The following RGS9 variants were observed in gnomAD, a reference collection of about 807,000 sequenced individuals.
The protein encoded by RGS9 is regulator of G-protein signalling 9.
A neutral mutation model predicts 102.0 loss-of-function variants in RGS9; 78 were observed. The observed-to-expected ratio is 0.76, with a 90% CI of 0.64 to 0.92. The LOEUF (loss-of-function observed/expected upper bound fraction) is 0.92, where lower values mean the gene tolerates loss of function less well. Among genes scored for constraint, RGS9 ranks in the 40% least tolerant of loss-of-function variants. The pLI is 0.00. For synonymous variants in RGS9, 353 were observed against 318.6 expected (o/e 1.11, Z -1.15); for missense variants, 833 against 866.1 (o/e 0.96, Z 0.48).
At chr17:65,151,251 A>C (rs1304221695) in intron 1 of RGS9, among the ~76,000 whole-genome samples, 1 of 152,000 alleles carries the variant, frequency 6.6e-6, no homozygotes, top group Non-Finnish European at 1.5e-5. Context: ...AGGCCGAGGT[A>C]GGACAATTGC....
At chr17:65,197,382 C>T (rs1912636983) in intron 13 of RGS9, 141 bp downstream of exon 13, 1 of 688,702 alleles carries the variant, frequency 1.5e-6, no homozygotes, top group Non-Finnish European at 2.6e-6. Context: ...CTTCCTTTCA[C>T]AGCTTTAAGA....
intron 13 of RGS9, among the ~76,000 whole-genome samples, chr17:65,201,777 C>T (rs73994750): frequency 0.024 from 3,667 of 152,268 alleles, 161 homozygotes; most frequent in African/African-American, 0.083. Flanking sequence ...TCCCAATGTT[C>T]TTCCAGGCCG....
chr17:65,181,383 A>G (rs1380156518), intron 9 of RGS9, among the ~76,000 whole-genome samples: 2 of 152,222 alleles, frequency 1.3e-5, no homozygotes, highest in Non-Finnish European at 2.9e-5. Context: ...CATTTCGAGA[A>G]TGAGTAAATT....
At chr17:65,169,581 A>G (rs1911328934) in intron 8 of RGS9, among the ~76,000 whole-genome samples, 1 of 152,244 alleles carries the variant, frequency 6.6e-6, no homozygotes, top group Admixed American at 6.5e-5. Flanking sequence ...ACCTGAGGGT[A>G]GGTAAAGAAC....
intron 9 of RGS9, among the ~76,000 whole-genome samples, chr17:65,178,705 A>G (rs1911741367): frequency 6.6e-6 from 1 of 152,010 alleles, no homozygotes; most frequent in Non-Finnish European, 1.5e-5. Flanking sequence ...GTGTCTTTCT[A>G]TGTTGCCCAG....
chr17:65,189,508 G>T (rs1912275539), intron 10 of RGS9, among the ~76,000 whole-genome samples, 193 bp downstream of exon 10: 1 of 152,216 alleles, frequency 6.6e-6, no homozygotes, highest in Non-Finnish European at 1.5e-5. Flanking sequence ...TGGGGCTGAG[G>T]CTGGCACTCA....
intron 17 of RGS9, among the ~76,000 whole-genome samples, chr17:65,218,279 G>A (rs546363670): frequency 4.9e-4 from 74 of 152,336 alleles, no homozygotes; most frequent in African/African-American, 1.7e-3. Context: ...AGAGGGAGGT[G>A]TTGTCTTCCA....
chr17:65,145,479 C>G (rs916863946), intron 1 of RGS9, among the ~76,000 whole-genome samples: 1 of 151,946 alleles, frequency 6.6e-6, no homozygotes, highest in South Asian at 2.1e-4. Flanking sequence ...ACCTCTGCCT[C>G]CCGGGTTCAA....
chr17:65,192,425 G>A (rs1350478296), intron 11 of RGS9, among the ~76,000 whole-genome samples: 1 of 152,016 alleles, frequency 6.6e-6, no homozygotes, highest in Non-Finnish European at 1.5e-5. Context: ...GACCAGCCTG[G>A]GCAACATAGT....
At chr17:65,174,836 G>A (rs1029422072) in intron 8 of RGS9, among the ~76,000 whole-genome samples, 9 of 152,158 alleles carry the variant, frequency 5.9e-5, no homozygotes, top group Non-Finnish European at 2.9e-5. Flanking sequence ...TACAATCATG[G>A]CGGAACGGGA....
intron 15 of RGS9, among the ~76,000 whole-genome samples, chr17:65,207,338 C>T (rs1359317903): frequency 1.1e-4 from 16 of 152,170 alleles, no homozygotes; most frequent in Admixed American, 1.0e-3. Flanking sequence ...GGGTTACAGA[C>T]TGTAATTCTC....
chr17:65,139,772 C>T (rs149271338), intron 1 of RGS9, among the ~76,000 whole-genome samples: 2 of 152,236 alleles, frequency 1.3e-5, no homozygotes, highest in Non-Finnish European at 2.9e-5. Flanking sequence ...CTTGTGCTGG[C>T]AAGGGCCCTG....
At chr17:65,176,730 T>A (rs1451265259) in intron 8 of RGS9, among the ~76,000 whole-genome samples, 1 of 147,560 alleles carries the variant, frequency 6.8e-6, no homozygotes, top group Non-Finnish European at 1.5e-5. Context: ...CATCCATCCA[T>A]CCATCCATCC....
rs1198098496 is a variant in RGS9 at position 65,137,379 on chromosome 17, C to A, written c.-162C>A. Reference sequence around the variant, plus strand: ...TTCCAGCTGCTTTCCAAGTCAGCGGCGCCTAGTGAGAGTCAGGGGGGCCCG... The same window carrying A: ...TTCCAGCTGCTTTCCAAGTCAGCGGAGCCTAGTGAGAGTCAGGGGGGCCCG... On this transcript the variant is annotated 5_prime_UTR_variant, in exon 1 of 19. Transcript: ENST00000262406. 1.5e-6 allele frequency: 1 copy of A among 679,728 alleles called. No individual in the cohort carries two copies. Among genetic ancestry groups the A allele is most frequent in the Non-Finnish European group, 2.6e-6 (1 of 382,476 alleles). 42.1% of individuals were successfully genotyped at this position (679,728 alleles called of 1,614,324 possible). A position where few individuals can be genotyped will look rare whatever the true frequency, so the allele number is the denominator to read the frequency against.
chr17:65,227,418 A>G lies in RGS9; in HGVS notation c.*11A>G. Reference sequence around the variant, plus strand: ...TGGGAGAGCCTGTAAGGAAAGAGGCAGGCTGAGCTGGGGGCTCTGGACCAG... The same window carrying G: ...TGGGAGAGCCTGTAAGGAAAGAGGCGGGCTGAGCTGGGGGCTCTGGACCAG... On this transcript the variant is annotated 3_prime_UTR_variant, in exon 19 of 19. Transcript: ENST00000262406. The G allele has an allele frequency of 6.2e-7, 1 of 1,611,052 alleles. No homozygotes were observed. The highest frequency in any genetic ancestry group is 2.2e-5 in the East Asian group (1 of 44,770).
chr17:65,171,102 G>A (rs915321308), intron 8 of RGS9, among the ~76,000 whole-genome samples: 3 of 152,162 alleles, frequency 2.0e-5, no homozygotes, highest in Admixed American at 6.5e-5. Flanking sequence ...CGGCCACTCC[G>A]TGTCAGACTG....
intron 5 of RGS9, 67 bp from the exon 6 acceptor site, chr17:65,160,784 G>A: frequency 6.5e-7 from 1 of 1,527,886 alleles, no homozygotes. Context: ...GCAGCCTCAG[G>A]CTTAGGGAGG....
At chr17:65,218,948 T>C (rs545178341) in intron 17 of RGS9, among the ~76,000 whole-genome samples, 2 of 152,340 alleles carry the variant, frequency 1.3e-5, no homozygotes, top group African/African-American at 4.8e-5. Context: ...AATGGTGTGA[T>C]ATTATAGGGA....
At chr17:65,156,097 C>T (rs1910757868) in intron 2 of RGS9, among the ~76,000 whole-genome samples, 1 of 152,214 alleles carries the variant, frequency 6.6e-6, no homozygotes, top group African/African-American at 2.4e-5. Flanking sequence ...TATCTTGGCT[C>T]ATTGCAGCTT....
Sources: allele counts gnomAD v4.1 joint callset (sites outside exome capture counted in the v4.1 genomes callset), GRCh38; gene constraint gnomAD v4.1.1; transcripts MANE v1.5; gene names NCBI Gene and HGNC (gene_info 2026-07-23, HGNC 2026-07-21).